Variants in DHRSX observed in about 807,000 individuals in gnomAD.
DHRSX encodes dehydrogenase/reductase X-linked.
In DHRSX, 31 loss-of-function variants were observed where a neutral mutation model predicts 34.0. The observed-to-expected ratio is 0.91, with a 90% CI of 0.69 to 1.23. The LOEUF is 1.23. Ranked by LOEUF, DHRSX falls within the 50% of genes most tolerant of loss-of-function variation. The probability of loss-of-function intolerance (pLI) is 0.00; values close to 1 mark genes in which losing one functional copy is unlikely to be tolerated. For synonymous variants in DHRSX, 201 were observed against 183.8 expected (o/e 1.09, Z -0.76); for missense variants, 414 against 428.1 (o/e 0.97, Z 0.29).
At chrX:2,282,622 G>GAGA (rs1491445549) in intron 4 of DHRSX, among the ~76,000 whole-genome samples, 1 of 58,770 alleles carries the variant, frequency 1.7e-5, no homozygotes, top group Non-Finnish European at 4.6e-5. Context: ...AGAGGGGAGG[G>GAGA]AGAGAAGAAG....
At chrX:2,274,883 T>G (rs915506225) in intron 4 of DHRSX, among the ~76,000 whole-genome samples, 2 of 152,120 alleles carry the variant, frequency 1.3e-5, no homozygotes, top group African/African-American at 4.8e-5. Flanking sequence ...TAGGTATTAA[T>G]TTTCCTCTTC....
intron 1 of DHRSX, among the ~76,000 whole-genome samples, chrX:2,453,942 A>G (rs1189447509): frequency 6.6e-6 from 1 of 152,144 alleles, no homozygotes; most frequent in East Asian, 1.9e-4. Context: ...ATGTTAATTA[A>G]CTTTATTGTT....
intron 6 of DHRSX, among the ~76,000 whole-genome samples, chrX:2,237,507 ATTT>A (rs778834876): frequency 7.2e-6 from 1 of 138,444 alleles, no homozygotes; most frequent in African/African-American, 2.6e-5. Context: ...ATAGCTTTCT[ATTT>A]TTTTTTTTTT....
chrX:2,471,361 G>A lies in DHRSX; in HGVS notation c.109+29456C>T, dbSNP rs143006268. Reference sequence around the variant, plus strand: ...GTGGGTGGATCACCTGAGGTCACGAGTTCGAGAGCAGCCTGAACAATAGGC... The same window carrying A: ...GTGGGTGGATCACCTGAGGTCACGAATTCGAGAGCAGCCTGAACAATAGGC... On this transcript the variant is annotated intron_variant, in intron 1 of 6. Coordinates refer to ENST00000334651, the MANE Select transcript of DHRSX (RefSeq NM_145177.3). 3.0e-3 allele frequency among the ~76,000 whole-genome samples: 461 copies of A among 152,286 alleles called. 8 individuals are homozygous for A. Among genetic ancestry groups the A allele is most frequent in the African/African-American group, 9.7e-3 (403 of 41,552 alleles).
intron 5 of DHRSX, among the ~76,000 whole-genome samples, chrX:2,252,593 T>A (rs1046748920): frequency 6.6e-6 from 1 of 152,180 alleles, no homozygotes; most frequent in Non-Finnish European, 1.5e-5. Context: ...GGCAGATTTT[T>A]CCAGAGTAAA....
At chrX:2,243,327 T>TCC (rs2016188490) in intron 5 of DHRSX, 97 bp from the exon 6 acceptor site, 2 of 1,048,778 alleles carry the variant, frequency 1.9e-6, no homozygotes, top group Admixed American at 2.2e-5. Flanking sequence ...CGGCCACGTC[T>TCC]ATACGCAGCC....
Position 2,265,007 on chromosome X carries a change from ACG to A in DHRSX, c.596+1731_596+1732del, listed in dbSNP as rs1404665546. Among the ~76,000 whole-genome samples, 22 of 151,326 alleles carry A rather than the reference ACG, an allele frequency of 1.5e-4. No individual in the cohort carries two copies. In the South Asian group the frequency reaches 2.3e-3, roughly 16 times the overall value. ...TGCAGGAAGCACCAGTGCTCAGCAG[ACG>A]CAGGGAGCACTGTCCCCAGAGCACC... On this transcript the variant is annotated intron_variant, in intron 5 of 6. Transcript: ENST00000334651.
chrX:2,473,970 C>T (rs1481018006), intron 1 of DHRSX, among the ~76,000 whole-genome samples: 1 of 150,658 alleles, frequency 6.6e-6, no homozygotes, highest in Non-Finnish European at 1.5e-5. Flanking sequence ...TGAATGCGGT[C>T]AGCACGGTGG....
intron 1 of DHRSX, among the ~76,000 whole-genome samples, chrX:2,446,593 C>G (rs1394843507): frequency 6.6e-6 from 1 of 151,674 alleles, no homozygotes; most frequent in African/African-American, 2.4e-5. Context: ...GGGACCACCT[C>G]CATGTACACA....
chrX:2,253,241 C>G (rs757012620), intron 5 of DHRSX, among the ~76,000 whole-genome samples: 237 of 150,818 alleles, frequency 1.6e-3, no homozygotes, highest in African/African-American at 5.5e-3. Flanking sequence ...AAGATGGCGC[C>G]ACGGCACTCC....
intron 3 of DHRSX, among the ~76,000 whole-genome samples, chrX:2,376,049 A>G (rs1364909807): frequency 7.3e-6 from 1 of 137,334 alleles, no homozygotes; most frequent in African/African-American, 2.5e-5. Context: ...CCAAAACAGT[A>G]ATAAAAGGGG....
At chrX:2,307,139 G>T (rs2124513007) in intron 3 of DHRSX, among the ~76,000 whole-genome samples, 1 of 152,174 alleles carries the variant, frequency 6.6e-6, no homozygotes, top group South Asian at 2.1e-4. Flanking sequence ...CCATAAAAAA[G>T]AATGAAATCA....
chrX:2,480,917 C>A (rs915893952), intron 1 of DHRSX, among the ~76,000 whole-genome samples: 1 of 152,068 alleles, frequency 6.6e-6, no homozygotes, highest in Non-Finnish European at 1.5e-5. Flanking sequence ...AATAATAATA[C>A]ATTGCGTTTT....
At chrX:2,320,128 C>T (rs1431961505) in intron 3 of DHRSX, among the ~76,000 whole-genome samples, 14 of 151,688 alleles carry the variant, frequency 9.2e-5, no homozygotes, top group African/African-American at 1.4e-4. Context: ...TGTGCCCGGC[C>T]GGGTCAACTG....
intron 5 of DHRSX, among the ~76,000 whole-genome samples, chrX:2,245,167 C>A (rs994021317): frequency 5.9e-5 from 9 of 152,180 alleles, no homozygotes; most frequent in African/African-American, 2.2e-4. Context: ...CACCCCTGTG[C>A]TCACTGAGAT....
chrX:2,318,476 G>A (rs1004995059), intron 3 of DHRSX, among the ~76,000 whole-genome samples: 3 of 151,400 alleles, frequency 2.0e-5, no homozygotes, highest in Non-Finnish European at 4.4e-5. Flanking sequence ...AAAGAAGCTG[G>A]CCAAACCCCA....
chrX:2,251,533 G>T (rs2016433387), intron 5 of DHRSX, among the ~76,000 whole-genome samples: 1 of 152,132 alleles, frequency 6.6e-6, no homozygotes, highest in Admixed American at 6.6e-5. Flanking sequence ...CAGAATGTGA[G>T]GTCCCATTCC....
intron 4 of DHRSX, among the ~76,000 whole-genome samples, chrX:2,282,806 GAGAGA>G (rs1569483518): frequency 0.044 from 3,048 of 69,492 alleles, 200 homozygotes; most frequent in African/African-American, 0.14. Context: ...AAAGAGAGAA[GAGAGA>G]AAGAGAGAGA....
At chrX:2,336,611 T>G in intron 3 of DHRSX, among the ~76,000 whole-genome samples, 1 of 151,676 alleles carries the variant, frequency 6.6e-6, no homozygotes, top group East Asian at 1.9e-4. Context: ...TTTGTTTTTT[T>G]TTTTTGAGAC....
Sources: gnomAD v4.1 joint callset for allele counts (sites outside exome capture counted in the v4.1 genomes callset) on GRCh38, gnomAD v4.1.1 for gene constraint, MANE v1.5 for transcripts, NCBI Gene and HGNC (gene_info 2026-07-23, HGNC 2026-07-21) for gene names.